GALNTL6: variants seen among roughly 807,000 people sequenced by gnomAD.
The protein encoded by GALNTL6 is polypeptide N-acetylgalactosaminyltransferase like 6.
GALNTL6 carries 46 observed loss-of-function variants against 73.7 expected under a neutral mutation model. The observed-to-expected ratio is 0.62, with a 90% confidence interval of 0.49 to 0.80. The LOEUF is 0.80. Ranked by LOEUF, GALNTL6 falls within the 30% of genes least tolerant of loss-of-function variation. GALNTL6 has a pLI of 0.00. For synonymous variants in GALNTL6, 259 were observed against 263.7 expected, an observed-to-expected ratio of 0.98 and a Z score of 0.17; for missense variants, 604 against 755.0, an observed-to-expected ratio of 0.80 and a Z score of 2.34.
chr4:172,348,877 T>C (rs1308955997), intron 5 of GALNTL6, among the ~76,000 whole-genome samples, 188 bp downstream of exon 5: 1 of 152,186 alleles, frequency 6.6e-6, no homozygotes, highest in African/African-American at 2.4e-5. Context: ...AAGCTATAGG[T>C]TTCATTTGGG....
chr4:172,517,154 G>T (rs1188896848), intron 5 of GALNTL6, among the ~76,000 whole-genome samples: 2 of 152,006 alleles, frequency 1.3e-5, no homozygotes, highest in East Asian at 3.9e-4. Flanking sequence ...CACTTCAGAG[G>T]GTTAACATGG....
chr4:172,611,307 T>G (rs1166771450), intron 5 of GALNTL6, among the ~76,000 whole-genome samples: 1 of 152,052 alleles, frequency 6.6e-6, no homozygotes, highest in African/African-American at 2.4e-5. Flanking sequence ...TGTTTTGTGG[T>G]GGCAAGTAAT....
intron 2 of GALNTL6, among the ~76,000 whole-genome samples, chr4:171,843,532 TTC>T (rs1329372463): frequency 6.6e-6 from 1 of 152,144 alleles, no homozygotes; most frequent in Non-Finnish European, 1.5e-5. Flanking sequence ...ATTTTTCTAC[TTC>T]TTTTATATTT....
intron 10 of GALNTL6, among the ~76,000 whole-genome samples, chr4:172,960,113 A>G (rs1052182359): frequency 6.6e-6 from 1 of 152,356 alleles, no homozygotes; most frequent in East Asian, 1.9e-4. Context: ...TAAAATGCAT[A>G]TTAAGAATAA....
chr4:172,459,698 T>C (rs994721082), intron 5 of GALNTL6, among the ~76,000 whole-genome samples: 10 of 152,066 alleles, frequency 6.6e-5, no homozygotes, highest in Non-Finnish European at 1.2e-4. Context: ...AAACCACTGC[T>C]CAAGGAAATA....
At chr4:172,336,270 GTTTTGTT>G (rs1404204248) in intron 4 of GALNTL6, among the ~76,000 whole-genome samples, 1 of 108,436 alleles carries the variant, frequency 9.2e-6, no homozygotes, top group Non-Finnish European at 1.7e-5. Context: ...GTATAGTTTT[GTTTTGTT>G]TTTTTTTTTT....
intron 2 of GALNTL6, among the ~76,000 whole-genome samples, chr4:172,028,743 G>A (rs558386768): frequency 1.3e-5 from 2 of 152,034 alleles, no homozygotes; most frequent in South Asian, 4.1e-4. Context: ...ACAAAAAAAT[G>A]CAGTGTGTTT....
At chr4:172,907,685 T>A (rs937197217) in intron 8 of GALNTL6, among the ~76,000 whole-genome samples, 3 of 152,206 alleles carry the variant, frequency 2.0e-5, no homozygotes, top group African/African-American at 7.2e-5. Context: ...CGGTCCTCCG[T>A]CCACAAATGT....
intron 11 of GALNTL6, among the ~76,000 whole-genome samples, chr4:173,014,037 G>A (rs1430938551): frequency 3.7e-5 from 5 of 136,096 alleles, no homozygotes; most frequent in Admixed American, 3.1e-4. Context: ...GAAATAATCC[G>A]TTTTTTTCCA....
intron 4 of GALNTL6, among the ~76,000 whole-genome samples, 194 bp from the exon 5 acceptor site, chr4:172,348,329 G>T (rs956018257): frequency 6.6e-6 from 1 of 152,208 alleles, no homozygotes; most frequent in Non-Finnish European, 1.5e-5. Flanking sequence ...TTCATTAAGA[G>T]TGAGTGTGAA....
intron 5 of GALNTL6, among the ~76,000 whole-genome samples, chr4:172,802,126 C>A (rs1399956365): frequency 6.6e-6 from 1 of 152,024 alleles, no homozygotes; most frequent in Non-Finnish European, 1.5e-5. Flanking sequence ...CTGCTGTGTC[C>A]TTTAATATAT....
In GALNTL6 at chr4:172,201,053, T is replaced by G. The variant is rs192297192; in HGVS notation, c.139-28603T>G. Among the ~76,000 whole-genome samples, 8 of 152,254 alleles carry G rather than the reference T, an allele frequency of 5.3e-5. No individual in the cohort carries two copies. The East Asian group carries it at 1.5e-3, about 29-fold the overall frequency. On this transcript the variant is annotated intron_variant, in intron 2 of 12. Transcript: ENST00000506823. Reference sequence around the variant, plus strand: ...AAGTGCTCACTTTATCTCAATACATTATTTCCCTTAAAAACGATACATAAG... The same window carrying G: ...AAGTGCTCACTTTATCTCAATACATGATTTCCCTTAAAAACGATACATAAG...
intron 5 of GALNTL6, among the ~76,000 whole-genome samples, chr4:172,600,397 A>T (rs980637993): frequency 2.0e-5 from 3 of 152,190 alleles, no homozygotes; most frequent in African/African-American, 7.2e-5. Context: ...CAGTGCAGGA[A>T]CAGCAAGACT....
chr4:172,918,702 T>C (rs1255020739), intron 8 of GALNTL6, among the ~76,000 whole-genome samples: 1 of 152,138 alleles, frequency 6.6e-6, no homozygotes, highest in African/African-American at 2.4e-5. Context: ...CATTCTTGAG[T>C]ACCTATAATG....
intron 6 of GALNTL6, among the ~76,000 whole-genome samples, chr4:172,810,149 A>C (rs1368562424): frequency 1.3e-5 from 2 of 152,212 alleles, no homozygotes; most frequent in South Asian, 4.1e-4. Context: ...CTTCTAACAC[A>C]GTGCAGCTGT....
At chr4:172,206,781 TGTTTTGTTTTGTTTTGTTTTTCTG>T (rs1418742521) in intron 2 of GALNTL6, among the ~76,000 whole-genome samples, 4,394 of 109,392 alleles carry the variant, frequency 0.04, 524 homozygotes, top group East Asian at 0.12. Flanking sequence ...ACGTGTTTTT[TGTTTTGTTTTGTTTTGTTTTTCTG>T]TTTTTTTTGT....
At chr4:172,547,247 A>G (rs1735807057) in intron 5 of GALNTL6, among the ~76,000 whole-genome samples, 1 of 152,068 alleles carries the variant, frequency 6.6e-6, no homozygotes, top group Non-Finnish European at 1.5e-5. Context: ...TGCCATCATC[A>G]TAGCACCAGA....
chr4:172,311,077 G>A (rs1345159077), intron 3 of GALNTL6, among the ~76,000 whole-genome samples: 1 of 152,006 alleles, frequency 6.6e-6, no homozygotes, highest in Non-Finnish European at 1.5e-5. Flanking sequence ...GTGTGTCTCA[G>A]GATGTGTCAA....
intron 2 of GALNTL6, among the ~76,000 whole-genome samples, chr4:171,827,347 C>T (rs1427166458): frequency 1.3e-5 from 2 of 152,102 alleles, no homozygotes; most frequent in Non-Finnish European, 2.9e-5. Context: ...GTAGAAGTTG[C>T]AACCGCATGC....
Sources: gnomAD v4.1 joint callset for allele counts (sites outside exome capture counted in the v4.1 genomes callset) on GRCh38, gnomAD v4.1.1 for gene constraint, MANE v1.5 for transcripts, NCBI Gene and HGNC (gene_info 2026-07-23, HGNC 2026-07-21) for gene names.